LMBRD1: variants seen among roughly 807,000 people sequenced by gnomAD.
The protein encoded by LMBRD1 is lysosomal cobalamin transport escort protein LMBD1.
A neutral mutation model predicts 74.8 loss-of-function variants in LMBRD1; 64 were observed. That is an observed-to-expected ratio of 0.86 (90% CI 0.70 to 1.05). The LOEUF (loss-of-function observed/expected upper bound fraction) is 1.05, where lower values mean the gene tolerates loss of function less well. Among genes scored for constraint, LMBRD1 ranks in the 50% least tolerant of loss-of-function variants. LMBRD1 has a pLI of 0.00. For missense variants in LMBRD1, 652 were observed against 645.9 expected, an observed-to-expected ratio of 1.01 and a Z score of -0.10; for synonymous variants, 204 against 216.3, an observed-to-expected ratio of 0.94 and a Z score of 0.50.
At chr6:69,771,316 C>T (rs992085744) in intron 3 of LMBRD1, among the ~76,000 whole-genome samples, 2 of 152,114 alleles carry the variant, frequency 1.3e-5, no homozygotes, top group African/African-American at 2.4e-5. Flanking sequence ...GGCTGGAGGC[C>T]GCTATCAGTT....
intron 9 of LMBRD1, chr6:69,705,627 T>C: frequency 1.1e-6 from 1 of 903,656 alleles, no homozygotes; most frequent in Non-Finnish European, 1.8e-6. Flanking sequence ...TTCCTTATTA[T>C]CAAAATCATC....
At chr6:69,727,659 GT>G (rs1479652315) in intron 7 of LMBRD1, among the ~76,000 whole-genome samples, 1 of 152,120 alleles carries the variant, frequency 6.6e-6, no homozygotes, top group East Asian at 1.9e-4. Flanking sequence ...ATATATGCAT[GT>G]CAGAAAACTG....
chr6:69,701,472 G>C lies in LMBRD1; in HGVS notation c.1054C>G (p.Leu352Val). ...IIFGANLSNP[L>V]NMLLPLLQTV... ...TGTAGTAAAGGCAAAAGCATATTCA[G>C]TGGATTACTCAGGTTAGCTCCAAAA... is the stretch of plus-strand genomic sequence containing the variant. The change falls in exon 11 of 16, where the codon CTG becomes GTG. Residue 352 changes from leucine (L) to valine (V), a missense_variant. Transcript: ENST00000649934. The C allele has an allele frequency of 1.2e-6, 2 of 1,605,046 alleles. No individual in the cohort carries two copies. The highest frequency in any genetic ancestry group is 1.7e-6 in the Non-Finnish European group (2 of 1,173,100).
At chr6:69,789,170 C>A (rs375171827) in intron 2 of LMBRD1, among the ~76,000 whole-genome samples, 1 of 152,200 alleles carries the variant, frequency 6.6e-6, no homozygotes. Flanking sequence ...CAGAGTATAT[C>A]TAATTTTCAT....
Position 69,707,294 on chromosome 6 carries a change from T to C in LMBRD1, c.916-5341A>G, listed in dbSNP as rs534518768. Reference sequence around the variant, plus strand: ...TCTCTGCTTTTAAAGGTTCATGTTATTAGACTGAGCCCACCTGAATAACCC... The same window carrying C: ...TCTCTGCTTTTAAAGGTTCATGTTACTAGACTGAGCCCACCTGAATAACCC... On this transcript the variant is annotated intron_variant, in intron 9 of 15. Transcript: ENST00000649934. Among the ~76,000 whole-genome samples the C allele has an allele frequency of 2.0e-5, 3 of 152,298 alleles. No individual in the cohort carries two copies. The South Asian group carries it at 6.2e-4, about 32-fold the overall frequency.
intron 9 of LMBRD1, among the ~76,000 whole-genome samples, chr6:69,706,874 T>A (rs1308400929): frequency 2.0e-5 from 3 of 152,174 alleles, no homozygotes; most frequent in Non-Finnish European, 2.9e-5. Context: ...CACCACAAAC[T>A]TAGTGGCCTG....
At chr6:69,790,819 G>T (rs531274512) in intron 1 of LMBRD1, among the ~76,000 whole-genome samples, 1 of 152,258 alleles carries the variant, frequency 6.6e-6, no homozygotes, top group East Asian at 1.9e-4. Flanking sequence ...ACCTAAAAGA[G>T]ATATGAGTAG....
In LMBRD1 at chr6:69,674,331, G is replaced by A. The variant is rs1233660883; in HGVS notation, c.*1827C>T. The stretch of plus-strand genomic sequence containing the variant: ...GGGACAAGATTTCAACATATGAATT[G>A]TAAGGGGACACAATTCAGCCTATAA... On this transcript the variant is annotated 3_prime_UTR_variant, in exon 16 of 16. Transcript: ENST00000649934. Among the ~76,000 whole-genome samples the A allele has an allele frequency of 6.6e-6, 1 of 152,140 alleles. No homozygotes were observed. Among genetic ancestry groups the A allele is most frequent in the Non-Finnish European group, 1.5e-5 (1 of 68,020 alleles).
intron 1 of LMBRD1, among the ~76,000 whole-genome samples, chr6:69,792,339 C>T (rs1370998144): frequency 6.6e-6 from 1 of 152,192 alleles, no homozygotes; most frequent in Non-Finnish European, 1.5e-5. Flanking sequence ...CCAGTATCAC[C>T]CTGACAACCA....
chr6:69,772,282 C>G (rs368721254), intron 3 of LMBRD1, among the ~76,000 whole-genome samples: 1 of 151,938 alleles, frequency 6.6e-6, no homozygotes, highest in South Asian at 2.1e-4. Context: ...AGGATTAACC[C>G]GTGGGACATA....
chr6:69,726,069 G>A (rs1766728148), intron 7 of LMBRD1, among the ~76,000 whole-genome samples: 2 of 152,138 alleles, frequency 1.3e-5, no homozygotes, highest in Non-Finnish European at 2.9e-5. Flanking sequence ...TAAAAAGTGG[G>A]CCAAAGATTG....
chr6:69,690,746 T>C (rs956513487), intron 14 of LMBRD1, among the ~76,000 whole-genome samples: 3 of 152,112 alleles, frequency 2.0e-5, no homozygotes, highest in African/African-American at 7.2e-5. Flanking sequence ...CTCATAAATA[T>C]ATATACCTAG....
intron 14 of LMBRD1, among the ~76,000 whole-genome samples, chr6:69,696,871 ATTACT>A (rs1332058920): frequency 1.3e-5 from 2 of 152,188 alleles, no homozygotes; most frequent in Non-Finnish European, 2.9e-5. Flanking sequence ...TATTTGACAC[ATTACT>A]TTACCATAAA....
intron 3 of LMBRD1, among the ~76,000 whole-genome samples, chr6:69,764,043 T>C (rs1238886245): frequency 2.0e-5 from 2 of 101,284 alleles, no homozygotes; most frequent in African/African-American, 8.5e-5. Flanking sequence ...TTAGAGTTGA[T>C]GCTGCAACAA....
In LMBRD1 at chr6:69,771,674, C is replaced by A. The variant is rs149237589; in HGVS notation, c.307+8820G>T. Among the ~76,000 whole-genome samples, 8 of 148,816 alleles carry A rather than the reference C, an allele frequency of 5.4e-5. No homozygotes were observed. The East Asian group carries it at 1.5e-3, about 29-fold the overall frequency. On this transcript the variant is annotated intron_variant, in intron 3 of 15. Coordinates refer to ENST00000649934, the MANE Select transcript of LMBRD1 (RefSeq NM_018368.4). ...GAATGTCAGATCACATAAGGCCCTG[C>A]AGGCTTCAGTAATGACTTCGTCATT...
intron 9 of LMBRD1, among the ~76,000 whole-genome samples, chr6:69,707,208 C>T (rs909917397): frequency 6.6e-6 from 1 of 152,110 alleles, no homozygotes; most frequent in Non-Finnish European, 1.5e-5. Context: ...AGGTCATTCT[C>T]GCACTTTGAA....
intron 12 of LMBRD1, 145 bp downstream of exon 12, chr6:69,700,620 T>C (rs916291045): frequency 2.8e-5 from 15 of 536,536 alleles, no homozygotes; most frequent in African/African-American, 6.0e-5. Context: ...AGTACTTTTA[T>C]GTCAACATGA....
At chr6:69,727,012 G>C (rs1185082502) in intron 7 of LMBRD1, among the ~76,000 whole-genome samples, 1 of 152,014 alleles carries the variant, frequency 6.6e-6, no homozygotes. Flanking sequence ...AAAATGAGCC[G>C]GGTGTGGTGG....
chr6:69,701,517 T>C lies in LMBRD1; in HGVS notation c.1009A>G (p.Ile337Val). ...NLDKALHSAG[I>V]DSGFIIFGAN... ...CCAAAAATTATGAAACCAGAATCTA[T>C]TCCAGCTGAATGAAGAGCTTTATCT... Residue 337 changes from isoleucine to valine, a missense_variant, in exon 11 of 16, where the codon ATA becomes GTA. By Grantham distance (29) the Ile-to-Val change is conservative. Around this residue, in one of 3 missense-constraint regions of LMBRD1, gnomAD observed 598 missense variants for 581.8 expected, o/e 1.03. Transcript: ENST00000649934. 6.2e-7 allele frequency: 1 copy of C among 1,605,362 alleles called. No homozygotes were observed. Among genetic ancestry groups the C allele is most frequent in the South Asian group, 1.1e-5 (1 of 90,674 alleles).
Sources: gnomAD v4.1 joint callset for allele counts (sites outside exome capture counted in the v4.1 genomes callset) on GRCh38, gnomAD v4.1.1 for gene constraint, gnomAD v4.1.1 regional missense constraint, MANE v1.5 for transcripts, NCBI Gene and HGNC (gene_info 2026-07-23, HGNC 2026-07-21) for gene names.